Variants in GFRA1 observed in about 807,000 individuals in gnomAD.
GFRA1 encodes the protein GDNF family receptor alpha-1.
Under a neutral mutation model 51.6 loss-of-function variants are expected in GFRA1, and 16 were observed. The observed-to-expected ratio is 0.31, with a 90% CI of 0.21 to 0.47. The LOEUF (loss-of-function observed/expected upper bound fraction) is 0.47, where lower values mean the gene tolerates loss of function less well. Ranked by LOEUF, GFRA1 falls within the 20% of genes least tolerant of loss-of-function variation. The pLI, the probability that GFRA1 is intolerant of heterozygous loss-of-function variation, is 1.00. For missense variants in GFRA1, 530 were observed against 594.3 expected (o/e 0.89, Z 1.13); for synonymous variants, 270 against 241.3 (o/e 1.12, Z -1.10).
chr10:116,218,527 GCCAGAGTCCAGAGCTCCT>G (rs1445214392), intron 4 of GFRA1, among the ~76,000 whole-genome samples: 1 of 152,158 alleles, frequency 6.6e-6, no homozygotes, highest in Non-Finnish European at 1.5e-5. Context: ...CCGGAGCATG[GCCAGAGTCCAGAGCTCCT>G]CCAGAGTCCC....
chr10:116,117,557 GTGGA>G (rs75233028), intron 6 of GFRA1, among the ~76,000 whole-genome samples: 5 of 97,434 alleles, frequency 5.1e-5, no homozygotes, highest in African/African-American at 1.3e-4. Context: ...GGGTGGGTGT[GTGGA>G]TGGATGGATG....
At chr10:116,224,228 C>T (rs1247191061) in intron 4 of GFRA1, among the ~76,000 whole-genome samples, 2 of 152,218 alleles carry the variant, frequency 1.3e-5, no homozygotes, top group Non-Finnish European at 2.9e-5. Flanking sequence ...ACTGGAAGCA[C>T]ATACACTGCT....
At chr10:116,161,284 C>T (rs1352190601) in intron 5 of GFRA1, among the ~76,000 whole-genome samples, 3 of 152,130 alleles carry the variant, frequency 2.0e-5, no homozygotes, top group Non-Finnish European at 4.4e-5. Flanking sequence ...GTGCTTCTGC[C>T]CCAACACACA....
intron 6 of GFRA1, among the ~76,000 whole-genome samples, chr10:116,114,161 CCT>C (rs1389918853): frequency 2.6e-5 from 4 of 152,140 alleles, no homozygotes; most frequent in Admixed American, 6.5e-5. Context: ...GACATAAGCA[CCT>C]CTGAGAGCCC....
chr10:116,249,755 C>A (rs931340315), intron 4 of GFRA1, among the ~76,000 whole-genome samples: 1 of 152,160 alleles, frequency 6.6e-6, no homozygotes, highest in Non-Finnish European at 1.5e-5. Flanking sequence ...GCACCTACTA[C>A]ATAGTTTTCT....
At chr10:116,197,550 G>A (rs917176528) in intron 5 of GFRA1, among the ~76,000 whole-genome samples, 1 of 152,110 alleles carries the variant, frequency 6.6e-6, no homozygotes, top group Admixed American at 6.5e-5. Flanking sequence ...GTGTATATCT[G>A]TGTATTTTAT....
intron 10 of GFRA1, among the ~76,000 whole-genome samples, chr10:116,065,057 A>G (rs1234882480): frequency 6.6e-6 from 1 of 152,134 alleles, no homozygotes; most frequent in Non-Finnish European, 1.5e-5. Flanking sequence ...CTTCCCCAGG[A>G]TAGAGTCCTC....
chr10:116,228,784 C>G (rs986780096), intron 4 of GFRA1, among the ~76,000 whole-genome samples: 5 of 151,636 alleles, frequency 3.3e-5, no homozygotes, highest in Non-Finnish European at 7.4e-5. Flanking sequence ...AGTTCAAGAC[C>G]AGCCTGGCCA....
At chr10:116,254,334 AAGAAAG>A (rs1968646932) in intron 4 of GFRA1, among the ~76,000 whole-genome samples, 1 of 117,946 alleles carries the variant, frequency 8.5e-6, no homozygotes, top group Non-Finnish European at 1.9e-5. Context: ...AAAAAAAAAA[AAGAAAG>A]AAAGAAAGAA....
At chr10:116,270,800 G>T (rs1316317415) in intron 3 of GFRA1, 22 bp downstream of exon 3, 38 of 1,601,058 alleles carry the variant, frequency 2.4e-5, no homozygotes, top group Non-Finnish European at 3.2e-5. Flanking sequence ...CACGGGGTGG[G>T]GTGGGGAGGT....
At chr10:116,073,558 G>A (rs1243132027) in intron 9 of GFRA1, among the ~76,000 whole-genome samples, 2 of 152,156 alleles carry the variant, frequency 1.3e-5, no homozygotes, top group African/African-American at 2.4e-5. Context: ...GGGTGAGGGC[G>A]GCTGTTTTGT....
intron 4 of GFRA1, among the ~76,000 whole-genome samples, chr10:116,263,252 G>C (rs1969421485): frequency 6.6e-6 from 1 of 152,208 alleles, no homozygotes; most frequent in South Asian, 2.1e-4. Context: ...CTGCTGAAAA[G>C]AGTCCCAGTC....
intron 4 of GFRA1, among the ~76,000 whole-genome samples, chr10:116,252,899 G>A (rs1343177674): frequency 6.6e-6 from 1 of 152,210 alleles, no homozygotes; most frequent in Non-Finnish European, 1.5e-5. Context: ...AAAGGATGAA[G>A]TCAGGATGCA....
At chr10:116,159,137 C>T (rs183966541) in intron 5 of GFRA1, among the ~76,000 whole-genome samples, 11 of 152,218 alleles carry the variant, frequency 7.2e-5, no homozygotes, top group African/African-American at 2.6e-4. Context: ...TGAGTAGGGA[C>T]CAAAACACAA....
chr10:116,066,462 T>G (rs967397828), intron 9 of GFRA1, among the ~76,000 whole-genome samples: 1 of 152,162 alleles, frequency 6.6e-6, no homozygotes, highest in African/African-American at 2.4e-5. Flanking sequence ...TCTCCTCAAC[T>G]GGAACAACCC....
intron 5 of GFRA1, among the ~76,000 whole-genome samples, chr10:116,141,577 T>G (rs980409859): frequency 2.0e-5 from 3 of 151,794 alleles, no homozygotes; most frequent in African/African-American, 7.3e-5. Flanking sequence ...TGTCCTCTTC[T>G]TTTTTTTGAG....
chr10:116,204,870 T>TC (rs1416590883), intron 5 of GFRA1, among the ~76,000 whole-genome samples: 1 of 152,096 alleles, frequency 6.6e-6, no homozygotes, highest in Non-Finnish European at 1.5e-5. Flanking sequence ...AACTCCCCAC[T>TC]CCTTAAAGGC....
At chr10:116,254,944 A>C (rs1379735857) in intron 4 of GFRA1, among the ~76,000 whole-genome samples, 3 of 152,194 alleles carry the variant, frequency 2.0e-5, no homozygotes, top group Non-Finnish European at 4.4e-5. Flanking sequence ...GACAAAGAAG[A>C]CTGAGATAAA....
chr10:116,089,131 A>C (rs1268892397), intron 9 of GFRA1, among the ~76,000 whole-genome samples: 1 of 152,036 alleles, frequency 6.6e-6, no homozygotes, highest in African/African-American at 2.4e-5. Context: ...AACCCCAGAG[A>C]ATGTTCTTGA....
Sources: gnomAD v4.1 joint callset for allele counts (sites outside exome capture counted in the v4.1 genomes callset) on GRCh38, gnomAD v4.1.1 for gene constraint, MANE v1.5 for transcripts, NCBI Gene and HGNC (gene_info 2026-07-23, HGNC 2026-07-21) for gene names.